DPYSL5: variants seen among roughly 807,000 people sequenced by gnomAD.
DPYSL5 encodes dihydropyrimidinase-related protein 5.
A neutral mutation model predicts 58.4 loss-of-function variants in DPYSL5; 9 were observed. The observed-to-expected ratio is 0.15, with a 90% CI of 0.09 to 0.27. The LOEUF is 0.27. DPYSL5 is among the 10% of genes least tolerant of loss of function. The pLI is 1.00. For missense variants in DPYSL5, 499 were observed against 770.6 expected (o/e 0.65, Z 4.17); for synonymous variants, 293 against 301.9 (o/e 0.97, Z 0.31).
chr2:26,879,639 C>T (rs1318917880), intron 1 of DPYSL5, among the ~76,000 whole-genome samples: 1 of 152,126 alleles, frequency 6.6e-6, no homozygotes, highest in East Asian at 1.9e-4. Context: ...CCGTGTGTGA[C>T]GAGCTCTCCC....
At chr2:26,888,209 TTTTCTTTCTTTCTTTCTTTCTTTC>T (rs70953832) in intron 1 of DPYSL5, among the ~76,000 whole-genome samples, 7 of 105,128 alleles carry the variant, frequency 6.7e-5, no homozygotes, top group East Asian at 2.6e-4. Context: ...CTTCCCTTTC[TTTTCTTTCTTTCTTTCTTTCTTTC>T]TTTCTTTCTT....
chr2:26,923,552 G>A (rs1160838480), intron 2 of DPYSL5, among the ~76,000 whole-genome samples: 1 of 152,186 alleles, frequency 6.6e-6, no homozygotes, highest in African/African-American at 2.4e-5. Context: ...TGAACGTGGA[G>A]CCGTGAAGCA....
intron 1 of DPYSL5, among the ~76,000 whole-genome samples, chr2:26,860,021 C>G (rs1050348599): frequency 6.6e-6 from 1 of 152,062 alleles, no homozygotes; most frequent in Non-Finnish European, 1.5e-5. Context: ...TTCCTAGGCA[C>G]GAGAGATCTT....
At chr2:26,931,152 A>AAAAAATATATAT (rs1209140758) in intron 5 of DPYSL5, among the ~76,000 whole-genome samples, 16 of 48,806 alleles carry the variant, frequency 3.3e-4, no homozygotes, top group African/African-American at 1.0e-3. Flanking sequence ...AAAAAAAAAA[A>AAAAAATATATAT]ATATATATAT....
In DPYSL5 at chr2:26,946,917, G is replaced by A. The variant is rs2148180896; in HGVS notation, c.1617G>A (p.Gln539=). Residue 539 remains glutamine (Q), a synonymous_variant, in exon 13 of 13, where the codon CAG becomes CAA. Transcript: ENST00000288699. ...GTGCTTCCTTCCCTGCAGGCTCTCAGATCGATGACCATGTTCCAAAGCGAG... is the reference window on the plus strand; with the variant it reads ...GTGCTTCCTTCCCTGCAGGCTCTCAAATCGATGACCATGTTCCAAAGCGAG... ...HESSFSLSGS[Q]IDDHVPKRAS... The A allele has an allele frequency of 6.2e-7, 1 of 1,614,092 alleles. No homozygotes were observed. Among genetic ancestry groups the A allele is most frequent in the Middle Eastern group, 1.6e-4 (1 of 6,062 alleles).
chr2:26,858,422 C>T (rs1168114863), intron 1 of DPYSL5, among the ~76,000 whole-genome samples: 3 of 152,180 alleles, frequency 2.0e-5, no homozygotes, highest in East Asian at 3.9e-4. Context: ...CTGCCCGCCT[C>T]GGCCTCCCAA....
intron 2 of DPYSL5, among the ~76,000 whole-genome samples, chr2:26,908,353 CTT>C (rs1207879410): frequency 1.3e-5 from 2 of 152,206 alleles, no homozygotes; most frequent in African/African-American, 4.8e-5. Flanking sequence ...TGTCTTCTCT[CTT>C]TCTCTTAAAG....
At chr2:26,943,725 G>T (rs1665386337) in intron 11 of DPYSL5, among the ~76,000 whole-genome samples, 1 of 152,150 alleles carries the variant, frequency 6.6e-6, no homozygotes, top group African/African-American at 2.4e-5. Flanking sequence ...TAGTATTATG[G>T]GCACAGAAAA....
At chr2:26,888,255 T>TTCTGTCTTTCTG (rs1553316478) in intron 1 of DPYSL5, among the ~76,000 whole-genome samples, 2 of 108,188 alleles carry the variant, frequency 1.8e-5, no homozygotes, top group African/African-American at 9.2e-5. Context: ...CTTTCTTTCT[T>TTCTGTCTTTCTG]TCTTTCTTTC....
At chr2:26,888,279 GTCTTTCTT>G (rs1438222892) in intron 1 of DPYSL5, among the ~76,000 whole-genome samples, 1 of 84,946 alleles carries the variant, frequency 1.2e-5, no homozygotes, top group Non-Finnish European at 2.6e-5. Context: ...CTTTCTTTCT[GTCTTTCTT>G]TCTTTCTTTC....
chr2:26,936,445 G>A (rs1442701776), intron 8 of DPYSL5, among the ~76,000 whole-genome samples: 1 of 152,226 alleles, frequency 6.6e-6, no homozygotes, highest in African/African-American at 2.4e-5. Context: ...GCCAATGCGA[G>A]TGGAGTGCCA....
At chr2:26,887,657 T>G (rs945501125) in intron 1 of DPYSL5, among the ~76,000 whole-genome samples, 1 of 152,086 alleles carries the variant, frequency 6.6e-6, no homozygotes, top group East Asian at 1.9e-4. Flanking sequence ...AAAGTAAAAA[T>G]GGGGGGCATG....
intron 8 of DPYSL5, among the ~76,000 whole-genome samples, chr2:26,937,865 C>G (rs1665221219): frequency 6.6e-6 from 1 of 151,992 alleles, no homozygotes; most frequent in Non-Finnish European, 1.5e-5. Context: ...CCTGCACCAC[C>G]GTGCCCAGCC....
chr2:26,893,689 A>G (rs757076077), intron 1 of DPYSL5, among the ~76,000 whole-genome samples: 1 of 152,154 alleles, frequency 6.6e-6, no homozygotes, highest in Non-Finnish European at 1.5e-5. Context: ...GAGCGGGCGG[A>G]GACAAAGATG....
At chr2:26,893,683 G>A (rs371763646) in intron 1 of DPYSL5, among the ~76,000 whole-genome samples, 14 of 152,238 alleles carry the variant, frequency 9.2e-5, no homozygotes, top group Admixed American at 3.9e-4. Context: ...GATGGGGAGC[G>A]GGCGGAGACA....
At position 26,849,231 on chromosome 2, in the gene DPYSL5, A is replaced by G. The variant is rs550378948; in HGVS notation, c.-5+977A>G. On this transcript the variant is annotated intron_variant, in intron 1 of 12. Coordinates refer to ENST00000288699, the MANE Select transcript of DPYSL5 (RefSeq NM_020134.4). The surrounding 1 kb of genome is among the most constrained non-coding windows in gnomAD (Gnocchi z 6.2). ...GGTTCTGCTGAAGAATGGGGAGGGGAGGAGGGATGCAGGCGGGTGGAGGCC... is the reference window on the plus strand; with the variant it reads ...GGTTCTGCTGAAGAATGGGGAGGGGGGGAGGGATGCAGGCGGGTGGAGGCC... Among the ~76,000 whole-genome samples the G allele has an allele frequency of 3.6e-5, 5 of 139,416 alleles. No individual in the cohort carries two copies. The East Asian group carries it at 1.0e-3, about 29-fold the overall frequency. The allele number at this position is 139,416 out of a possible 152,430, so 91.5% of individuals were successfully genotyped here.
Position 26,855,230 on chromosome 2 carries a change from C to T in DPYSL5, c.-5+6976C>T, listed in dbSNP as rs1293779131. On this transcript the variant is annotated intron_variant, in intron 1 of 12. Transcript: ENST00000288699. ...GGGTCATAAAGTCAGGAGTTCGAGA[C>T]CAGCCTGGTCAATATGGTGAAACCC... 2.6e-5 allele frequency among the ~76,000 whole-genome samples: 4 copies of T among 151,332 alleles called. No homozygotes were observed. The East Asian group carries it at 8.0e-4, about 30-fold the overall frequency.
At chr2:26,945,784 G>A (rs114793766) in intron 12 of DPYSL5, among the ~76,000 whole-genome samples, 3,618 of 152,336 alleles carry the variant, frequency 0.024, 166 homozygotes, top group African/African-American at 0.083. Flanking sequence ...TCCACCCACA[G>A]CCTGGAGTTT....
At chr2:26,885,992 A>AG (rs1464748948) in intron 1 of DPYSL5, among the ~76,000 whole-genome samples, 1 of 152,182 alleles carries the variant, frequency 6.6e-6, no homozygotes, top group African/African-American at 2.4e-5. Flanking sequence ...GACTGGGGAC[A>AG]GGGGAGTTGG....
Sources: gnomAD v4.1 joint callset for allele counts (sites outside exome capture counted in the v4.1 genomes callset) on GRCh38, gnomAD v4.1.1 for gene constraint, Gnocchi (gnomAD v3.1) non-coding constraint, MANE v1.5 for transcripts, NCBI Gene and HGNC (gene_info 2026-07-23, HGNC 2026-07-21) for gene names.